Variants in EPS15 observed in about 807,000 individuals in gnomAD.
EPS15 encodes the protein epidermal growth factor receptor pathway substrate 15.
A neutral mutation model predicts 113.8 loss-of-function variants in EPS15; 72 were observed. The observed-to-expected ratio is 0.63, with a 90% CI of 0.52 to 0.77. The LOEUF (loss-of-function observed/expected upper bound fraction) is 0.77, where lower values mean the gene tolerates loss of function less well. Among genes scored for constraint, EPS15 ranks in the 30% least tolerant of loss-of-function variants. The probability of loss-of-function intolerance (pLI) is 0.00; values close to 1 mark genes in which losing one functional copy is unlikely to be tolerated. For missense variants in EPS15, 1,048 were observed against 1,045.8 expected, an observed-to-expected ratio of 1.00 and a Z score of -0.03; for synonymous variants, 344 against 363.4, an observed-to-expected ratio of 0.95 and a Z score of 0.61.
chr1:51,370,195 A>G (rs1166993668), intron 21 of EPS15, among the ~76,000 whole-genome samples: 3 of 152,288 alleles, frequency 2.0e-5, no homozygotes, highest in East Asian at 1.9e-4. Flanking sequence ...AGTCCAATGC[A>G]TTACTCATGT....
intron 12 of EPS15, among the ~76,000 whole-genome samples, chr1:51,425,665 G>A (rs1165641734): frequency 1.3e-5 from 2 of 152,108 alleles, no homozygotes; most frequent in East Asian, 1.9e-4. Flanking sequence ...TCTCTCACAA[G>A]CAAACAGAGA....
chr1:51,392,038 A>G (rs72694170), intron 21 of EPS15, among the ~76,000 whole-genome samples: 6 of 152,316 alleles, frequency 3.9e-5, no homozygotes, highest in Non-Finnish European at 8.8e-5. Flanking sequence ...AGTTCCCCCA[A>G]GGGAGTACAG....
chr1:51,489,898 G>A (rs1257784049), intron 1 of EPS15, among the ~76,000 whole-genome samples: 1 of 152,136 alleles, frequency 6.6e-6, no homozygotes, highest in African/African-American at 2.4e-5. Context: ...AAATGAGAAA[G>A]AATCACAGAG....
At chr1:51,432,587 A>AT (rs34894893) in intron 12 of EPS15, among the ~76,000 whole-genome samples, 44,856 of 151,780 alleles carry the variant, frequency 0.3, 8,972 homozygotes, top group African/African-American at 0.57. Flanking sequence ...GATATTTTAC[A>AT]TTTTTTTTCA....
At chr1:51,471,817 A>G in intron 3 of EPS15, 80 bp from the exon 4 acceptor site, 1 of 1,002,520 alleles carries the variant, frequency 1.0e-6, no homozygotes, top group Non-Finnish European at 1.6e-6. Context: ...TCTGCTATTT[A>G]CAACCTCAGG....
At chr1:51,382,076 T>C (rs1646953850) in intron 21 of EPS15, among the ~76,000 whole-genome samples, 1 of 151,978 alleles carries the variant, frequency 6.6e-6, no homozygotes, top group Non-Finnish European at 1.5e-5. Context: ...CAAGACTCAA[T>C]AACTAAAATC....
intron 14 of EPS15, 139 bp downstream of exon 14, chr1:51,409,396 C>T (rs899606820): frequency 1.4e-5 from 10 of 694,754 alleles, no homozygotes; most frequent in African/African-American, 5.4e-5. Context: ...AACCTTGCTC[C>T]ATCGCCCCCA....
At chr1:51,391,566 A>T (rs1217141523) in intron 21 of EPS15, among the ~76,000 whole-genome samples, 4 of 152,208 alleles carry the variant, frequency 2.6e-5, no homozygotes, top group African/African-American at 9.6e-5. Flanking sequence ...AAGAGGGAAC[A>T]GCTAGTGCAA....
intron 24 of EPS15, 72 bp downstream of exon 24, chr1:51,361,099 G>T: frequency 1.8e-6 from 2 of 1,127,998 alleles, no homozygotes; most frequent in South Asian, 1.5e-5. Flanking sequence ...ATGCAAACTT[G>T]GCAGACTCCA....
At position 51,468,528 on chromosome 1, in the gene EPS15, T is replaced by C. The variant is rs754948976; in HGVS notation, c.254A>G (p.Asn85Ser). ...ACTACTTAGTGAAACTTCCAATCCA[T>C]TCTGGGCACATGCCACAAGACGCAA... ...VALRLVACAQ[N>S]GLEVSLSSLN... The change falls in exon 5 of 25, where the codon AAT (asparagine) becomes AGT (serine). Residue 85 changes from asparagine to serine, a missense_variant. Asn to Ser is a conservative substitution (Grantham distance 46). Transcript: ENST00000371733. 1.9e-6 allele frequency: 3 copies of C among 1,613,858 alleles called. No individual in the cohort carries two copies. Among genetic ancestry groups the C allele is most frequent in the Non-Finnish European group, 2.5e-6 (3 of 1,179,804 alleles).
intron 1 of EPS15, among the ~76,000 whole-genome samples, chr1:51,508,805 T>C (rs927273038): frequency 2.6e-5 from 4 of 152,166 alleles, no homozygotes; most frequent in Non-Finnish European, 5.9e-5. Flanking sequence ...ACAAGGAATC[T>C]CATAAGAAAA....
chr1:51,429,768 A>G (rs914983456), intron 12 of EPS15, among the ~76,000 whole-genome samples: 2 of 151,368 alleles, frequency 1.3e-5, no homozygotes, highest in Non-Finnish European at 2.9e-5. Context: ...CTCCTGCCTC[A>G]GCCTTCCGAG....
intron 21 of EPS15, among the ~76,000 whole-genome samples, chr1:51,391,638 A>G (rs1396319173): frequency 2.0e-5 from 3 of 152,174 alleles, no homozygotes; most frequent in Non-Finnish European, 2.9e-5. Context: ...TGGCTGGAGC[A>G]GAGTGAGTAA....
intron 16 of EPS15, among the ~76,000 whole-genome samples, chr1:51,405,126 T>C (rs907511510): frequency 1.3e-5 from 2 of 152,178 alleles, no homozygotes; most frequent in Non-Finnish European, 2.9e-5. Context: ...CAAACTGTCC[T>C]AACTGAAAAT....
chr1:51,512,673 A>T (rs1452247041), intron 1 of EPS15, among the ~76,000 whole-genome samples: 1 of 152,138 alleles, frequency 6.6e-6, no homozygotes, highest in Non-Finnish European at 1.5e-5. Context: ...GGAAAAAAAA[A>T]TAAGTTCAGC....
intron 10 of EPS15, 143 bp downstream of exon 10, chr1:51,446,817 A>G: frequency 1.5e-6 from 1 of 679,474 alleles, no homozygotes; most frequent in Non-Finnish European, 2.4e-6. Flanking sequence ...ATTAGCCAGA[A>G]GAATTCTTCA....
intron 24 of EPS15, among the ~76,000 whole-genome samples, chr1:51,359,750 C>CA (rs761756104): frequency 0.019 from 2,433 of 124,978 alleles, 47 homozygotes; most frequent in African/African-American, 0.055. Flanking sequence ...AAACTCATCT[C>CA]AAAAAAAAAA....
chr1:51,465,064 A>G (rs1654746513), intron 6 of EPS15, among the ~76,000 whole-genome samples, 197 bp downstream of exon 6: 2 of 152,220 alleles, frequency 1.3e-5, no homozygotes, highest in Non-Finnish European at 2.9e-5. Context: ...TATAACAGAT[A>G]TACAAGTAGA....
intron 1 of EPS15, among the ~76,000 whole-genome samples, chr1:51,492,299 G>A (rs1024289902): frequency 2.6e-5 from 4 of 152,032 alleles, no homozygotes; most frequent in Non-Finnish European, 4.4e-5. Flanking sequence ...CTGCAAACAC[G>A]CTAACATCTC....
Sources: allele counts gnomAD v4.1 joint callset (sites outside exome capture counted in the v4.1 genomes callset), GRCh38; gene constraint gnomAD v4.1.1; transcripts MANE v1.5; gene names NCBI Gene and HGNC (gene_info 2026-07-23, HGNC 2026-07-21).